The following PCDH9 variants were observed in gnomAD, a reference collection of about 807,000 sequenced individuals.
PCDH9 encodes protocadherin 9.
In PCDH9, 24 loss-of-function variants were observed where a neutral mutation model predicts 70.6. The observed-to-expected ratio is 0.34, with a 90% confidence interval of 0.25 to 0.48. The LOEUF (loss-of-function observed/expected upper bound fraction) is 0.48. PCDH9 is among the 20% of genes least tolerant of loss of function. The pLI is 0.99. For missense variants in PCDH9, 1,281 were observed against 1,503.6 expected (o/e 0.85, Z 2.45); for synonymous variants, 562 against 558.5 (o/e 1.01, Z -0.09).
At chr13:66,972,329 T>G (rs1407105096) in intron 2 of PCDH9, among the ~76,000 whole-genome samples, 1 of 151,840 alleles carries the variant, frequency 6.6e-6, no homozygotes, top group Admixed American at 6.6e-5. Flanking sequence ...CAGACACAAA[T>G]AGTAGTAGAA....
intron 3 of PCDH9, among the ~76,000 whole-genome samples, chr13:66,888,558 A>G (rs2082046187): frequency 8.8e-6 from 1 of 113,834 alleles, no homozygotes; most frequent in Non-Finnish European, 2.3e-5. Flanking sequence ...AAAATAAATA[A>G]AAAAAAGAAA....
At chr13:66,594,887 A>G (rs1020425300) in intron 4 of PCDH9, among the ~76,000 whole-genome samples, 88 of 151,686 alleles carry the variant, frequency 5.8e-4, no homozygotes, top group African/African-American at 2.1e-3. Flanking sequence ...AAATGATTGC[A>G]GCTTTGATCT....
intron 3 of PCDH9, among the ~76,000 whole-genome samples, chr13:66,819,757 A>G (rs1161012644): frequency 6.6e-6 from 1 of 152,092 alleles, no homozygotes; most frequent in Non-Finnish European, 1.5e-5. Flanking sequence ...TTAGCAGTGC[A>G]TGGTGGCACC....
At chr13:67,169,453 G>T (rs2088215292) in intron 2 of PCDH9, among the ~76,000 whole-genome samples, 1 of 152,136 alleles carries the variant, frequency 6.6e-6, no homozygotes, top group African/African-American at 2.4e-5. Context: ...CTCTGGCATA[G>T]ATTTAACCCA....
intron 3 of PCDH9, among the ~76,000 whole-genome samples, chr13:66,738,783 G>A (rs2079202870): frequency 6.6e-6 from 1 of 152,000 alleles, no homozygotes; most frequent in Non-Finnish European, 1.5e-5. Flanking sequence ...GAGAAGGGAA[G>A]TTCAGAGAAA....
At chr13:66,516,746 TTC>T (rs1027582264) in intron 4 of PCDH9, among the ~76,000 whole-genome samples, 5 of 151,804 alleles carry the variant, frequency 3.3e-5, no homozygotes, top group African/African-American at 1.2e-4. Context: ...CACTCTCTCT[TTC>T]TCTCTGTGTC....
intron 2 of PCDH9, among the ~76,000 whole-genome samples, chr13:66,984,998 C>T (rs2083860505): frequency 6.6e-6 from 1 of 152,012 alleles, no homozygotes; most frequent in Admixed American, 6.6e-5. Flanking sequence ...AGGTTACTTG[C>T]ACTTGCTGTT....
intron 4 of PCDH9, among the ~76,000 whole-genome samples, chr13:66,305,388 A>C (rs1482835371): frequency 1.3e-5 from 2 of 152,046 alleles, no homozygotes; most frequent in Non-Finnish European, 2.9e-5. Flanking sequence ...AAGAAATCCC[A>C]GAAAAAAACT....
intron 2 of PCDH9, among the ~76,000 whole-genome samples, chr13:67,031,172 G>A (rs1444354604): frequency 6.6e-6 from 1 of 152,110 alleles, no homozygotes; most frequent in Non-Finnish European, 1.5e-5. Context: ...GAAAGCGGGT[G>A]TTAAGTAAAG....
intron 4 of PCDH9, among the ~76,000 whole-genome samples, chr13:66,356,437 T>C (rs1030513401): frequency 1.3e-5 from 2 of 152,100 alleles, no homozygotes; most frequent in Non-Finnish European, 2.9e-5. Flanking sequence ...TTTCTTCAAA[T>C]CTTTTCTATA....
At chr13:67,192,768 C>T (rs913269373) in intron 2 of PCDH9, among the ~76,000 whole-genome samples, 17 of 152,120 alleles carry the variant, frequency 1.1e-4, no homozygotes, top group Non-Finnish European at 2.2e-4. Flanking sequence ...AGGGATAGTC[C>T]TTTCTTTACA....
At chr13:66,653,758 G>T (rs891480151) in intron 3 of PCDH9, among the ~76,000 whole-genome samples, 7 of 151,946 alleles carry the variant, frequency 4.6e-5, no homozygotes, top group Non-Finnish European at 8.8e-5. Flanking sequence ...ATGAGGTCAG[G>T]AGACCCAGAC....
At chr13:66,308,913 A>G (rs182228511) in intron 4 of PCDH9, among the ~76,000 whole-genome samples, 25 of 152,136 alleles carry the variant, frequency 1.6e-4, no homozygotes, top group Non-Finnish European at 4.4e-5. Context: ...CAAAAACAAA[A>G]ACAAAACCTA....
At chr13:66,451,194 A>G (rs1166527852) in intron 4 of PCDH9, among the ~76,000 whole-genome samples, 2 of 152,222 alleles carry the variant, frequency 1.3e-5, no homozygotes, top group African/African-American at 4.8e-5. Context: ...TCAAAAAACT[A>G]TATTTCCAAT....
Position 67,114,410 on chromosome 13 carries a change from T to C in PCDH9, c.3036+110995A>G, listed in dbSNP as rs1004269584. On this transcript the variant is annotated intron_variant, in intron 2 of 4. Transcript: ENST00000377865. Reference sequence around the variant, plus strand: ...TGAGACTATATGAAGTAGACAAAGCTCAAAGTTTCAAATTGTAGAAAAAAA... The same window carrying C: ...TGAGACTATATGAAGTAGACAAAGCCCAAAGTTTCAAATTGTAGAAAAAAA... 2.0e-4 allele frequency among the ~76,000 whole-genome samples: 30 copies of C among 152,292 alleles called. No individual in the cohort carries two copies. In the East Asian group the frequency reaches 5.6e-3, roughly 28 times the overall value.
intron 3 of PCDH9, among the ~76,000 whole-genome samples, chr13:66,796,399 T>C (rs1203546976): frequency 1.3e-5 from 2 of 152,188 alleles, no homozygotes; most frequent in Non-Finnish European, 2.9e-5. Context: ...GTGTTACTTA[T>C]ACCTAATTAG....
chr13:67,108,337 C>T (rs2086588943), intron 2 of PCDH9, among the ~76,000 whole-genome samples: 1 of 152,108 alleles, frequency 6.6e-6, no homozygotes, highest in Non-Finnish European at 1.5e-5. Context: ...GGATATTTAT[C>T]TTTTAAAAAT....
rs150304433 is a variant in PCDH9, at chr13:66,392,818, C to T, written c.3341-87790G>A. Among the ~76,000 whole-genome samples the T allele has an allele frequency of 9.6e-4, 145 of 151,556 alleles. 2 individuals carry two copies. In the East Asian group the frequency reaches 0.027, roughly 28 times the overall value. ...CATGACTGAGCTAAAAAGAAGTTCCCTATCTCTGCAAGCAGCATATTGCTT... is the reference window on the plus strand; with the variant it reads ...CATGACTGAGCTAAAAAGAAGTTCCTTATCTCTGCAAGCAGCATATTGCTT... On this transcript the variant is annotated intron_variant, in intron 4 of 4. Transcript: ENST00000377865.
chr13:67,108,124 C>G (rs1295553275), intron 2 of PCDH9, among the ~76,000 whole-genome samples: 1 of 152,214 alleles, frequency 6.6e-6, no homozygotes, highest in Non-Finnish European at 1.5e-5. Flanking sequence ...TGCTCCACAC[C>G]TGGCTCACCC....
Sources: gnomAD v4.1 joint callset for allele counts (sites outside exome capture counted in the v4.1 genomes callset) on GRCh38, gnomAD v4.1.1 for gene constraint, MANE v1.5 for transcripts, NCBI Gene and HGNC (gene_info 2026-07-23, HGNC 2026-07-21) for gene names.